KRT80: variants seen among roughly 807,000 people sequenced by gnomAD.
KRT80 encodes keratin 80, also known as keratin, type II cytoskeletal 80.
KRT80 carries 36 observed loss-of-function variants against 51.5 expected under a neutral mutation model. That is an observed-to-expected ratio of 0.70 (90% CI 0.54 to 0.92). KRT80 has a LOEUF of 0.92. Among genes scored for constraint, KRT80 ranks in the 40% least tolerant of loss-of-function variants. KRT80 has a pLI of 0.00. For missense variants in KRT80, 566 were observed against 591.7 expected (o/e 0.96, Z 0.45); for synonymous variants, 235 against 248.3 (o/e 0.95, Z 0.50).
At chr12:52,178,832 C>A (rs1209814249) in intron 4 of KRT80, among the ~76,000 whole-genome samples, 3 of 151,508 alleles carry the variant, frequency 2.0e-5, no homozygotes, top group Admixed American at 6.6e-5. Context: ...GACACTAAGG[C>A]ACAGAGAGGA....
Position 52,169,591 on chromosome 12 carries a change from T to C in KRT80, c.*1807A>G, listed in dbSNP as rs1471677762. 5 of 152,658 alleles carry C rather than the reference T, an allele frequency of 3.3e-5. No individual in the cohort carries two copies. The highest frequency in any genetic ancestry group is 1.2e-4 in the African/African-American group (5 of 41,462). 9.5% of individuals were successfully genotyped at this position (152,658 alleles called of 1,614,324 possible). On this transcript the variant is annotated 3_prime_UTR_variant, in exon 9 of 9. Coordinates refer to ENST00000394815, the MANE Select transcript of KRT80 (RefSeq NM_182507.3). ...GCAAGAAGGGGACATGGCCCCAAGATAGCCAATCAGGTGAGGTGGCTGGAG... is the reference window on the plus strand; with the variant it reads ...GCAAGAAGGGGACATGGCCCCAAGACAGCCAATCAGGTGAGGTGGCTGGAG...
At chr12:52,172,787 G>C (rs1186512235) in intron 6 of KRT80, among the ~76,000 whole-genome samples, 1 of 152,198 alleles carries the variant, frequency 6.6e-6, no homozygotes, top group Non-Finnish European at 1.5e-5. Context: ...CTGGGTGTGT[G>C]TAGTGTGGGG....
chr12:52,188,739 C>T (rs1455108532), intron 1 of KRT80, among the ~76,000 whole-genome samples: 2 of 152,230 alleles, frequency 1.3e-5, no homozygotes, highest in Non-Finnish European at 2.9e-5. Context: ...TCCCTCTCTA[C>T]AGCCTCCCCA....
At position 52,180,625 on chromosome 12, in the gene KRT80, T is replaced by C. The variant is rs1941302146; in HGVS notation, c.571-17A>G. On this transcript the variant is annotated splice_polypyrimidine_tract_variant and intron_variant, in intron 3 of 8. Transcript: ENST00000394815. Reference sequence around the variant, plus strand: ...ATCCAGGTCCTGGGGTTGGCAGCAGTGGTGAGTGGTGGGAGAGGGAATGGA... The same window carrying C: ...ATCCAGGTCCTGGGGTTGGCAGCAGCGGTGAGTGGTGGGAGAGGGAATGGA... 1 of 1,519,250 alleles carries C rather than the reference T, an allele frequency of 6.6e-7. No homozygotes were observed. The highest frequency in any genetic ancestry group is 8.8e-7 in the Non-Finnish European group (1 of 1,134,784). 94.1% of individuals were successfully genotyped at this position (1,519,250 alleles called of 1,614,324 possible). A position where few individuals can be genotyped will look rare whatever the true frequency, so the allele number is the denominator to read the frequency against.
At chr12:52,183,656 A>G (rs1416364133) in intron 2 of KRT80, among the ~76,000 whole-genome samples, 1 of 152,242 alleles carries the variant, frequency 6.6e-6, no homozygotes, top group Non-Finnish European at 1.5e-5. Flanking sequence ...AGGCCAAATG[A>G]GGGGGCTGAG....
In KRT80 at chr12:52,180,562, A is replaced by G; in HGVS notation, c.617T>C (p.Leu206Ser). 1.3e-6 allele frequency: 2 copies of G among 1,484,788 alleles called. No individual in the cohort carries two copies. Among genetic ancestry groups the G allele is most frequent in the Middle Eastern group, 1.8e-4 (1 of 5,488 alleles). The allele number at this position is 1,484,788 out of a possible 1,614,324, so 92.0% of individuals were successfully genotyped here. The change falls in exon 4 of 9, where the codon TTA becomes TCA. Residue 206 changes from leucine (L) to serine (S), a missense_variant. Coordinates refer to ENST00000394815, the MANE Select transcript of KRT80 (RefSeq NM_182507.3). ...CLHRTELETK[L>S]KSLESFVELM... ...CTCCACGAAGCTCTCCAGGCTTTTT[A>G]ACTTGGTTTCCAGTTCAGTCCGATG...
intron 1 of KRT80, 33 bp downstream of exon 1, chr12:52,191,570 C>T: frequency 6.5e-7 from 1 of 1,533,620 alleles, no homozygotes; most frequent in Non-Finnish European, 8.8e-7. Context: ...GCCTGGCAGC[C>T]CTTCATGTTT....
At position 52,171,476 on chromosome 12, in the gene KRT80, C is replaced by G. The variant is rs1941100365; in HGVS notation, c.1281G>C (p.Lys427Asn). ...TTTTGATCACGGGGCCTTTGCTGCCCTTCTTCTTTCGGGAGGGGGCCTTGG... is the reference window on the plus strand; with the variant it reads ...TTTTGATCACGGGGCCTTTGCTGCCGTTCTTCTTTCGGGAGGGGGCCTTGG... ...GLSKAPSRKK[K>N]GSKGPVIKIT... is the part of the protein sequence containing the mutation. The change falls in exon 9 of 9, where the codon AAG becomes AAC. Residue 427 changes from lysine to asparagine, a missense_variant. By Grantham distance (94) the Lys-to-Asn change is moderately conservative. Transcript: ENST00000394815. 6.2e-7 allele frequency: 1 copy of G among 1,612,938 alleles called. No homozygotes were observed. Among genetic ancestry groups the G allele is most frequent in the South Asian group, 1.1e-5 (1 of 90,974 alleles).
intron 4 of KRT80, among the ~76,000 whole-genome samples, chr12:52,175,554 G>C (rs922332001): frequency 6.6e-6 from 1 of 152,086 alleles, no homozygotes; most frequent in Non-Finnish European, 1.5e-5. Flanking sequence ...TGAGGGGCCA[G>C]CTAGGGCCCT....
chr12:52,180,438 G>A lies in KRT80; in HGVS notation c.666+75C>T, dbSNP rs1941298591. ...AGGTTCCATGCCCCACTGGATGGCTGTGCTTCCCCTGTGTCCTTTACCCAT... is the reference window on the plus strand; with the variant it reads ...AGGTTCCATGCCCCACTGGATGGCTATGCTTCCCCTGTGTCCTTTACCCAT... On this transcript the variant is annotated intron_variant, in intron 4 of 8. Coordinates refer to ENST00000394815, the MANE Select transcript of KRT80 (RefSeq NM_182507.3). 8 of 1,015,006 alleles carry A rather than the reference G, an allele frequency of 7.9e-6. No individual in the cohort carries two copies. In the East Asian group the frequency reaches 1.1e-4, roughly 14 times the overall value. The allele number at this position is 1,015,006 out of a possible 1,614,324, so 62.9% of individuals were successfully genotyped here. A position where few individuals can be genotyped will look rare whatever the true frequency, so the allele number is the denominator to read the frequency against.
rs1479483341 is a variant in KRT80 at position 52,191,530 on chromosome 12, G to C, written c.300+73C>G. 3 of 1,438,576 alleles carry C rather than the reference G, an allele frequency of 2.1e-6. No homozygotes were observed. In the Admixed American group the frequency reaches 6.6e-5, roughly 31 times the overall value. 89.1% of individuals were successfully genotyped at this position (1,438,576 alleles called of 1,614,324 possible). On this transcript the variant is annotated intron_variant, in intron 1 of 8. Coordinates refer to ENST00000394815, the MANE Select transcript of KRT80 (RefSeq NM_182507.3). ...GGTGGGGCGCGGTGATCGATGCTCA[G>C]GGAAACACAGAGCTCAGCTACCGGC...
chr12:52,185,271 T>A, intron 2 of KRT80, 108 bp downstream of exon 2: 1 of 1,076,718 alleles, frequency 9.3e-7, no homozygotes, highest in Non-Finnish European at 1.3e-6. Context: ...GGTAAAGAAA[T>A]GTTGCAGAAC....
At chr12:52,173,805 G>A (rs773641720) in intron 4 of KRT80, 41 bp from the exon 5 acceptor site, 2 of 1,593,070 alleles carry the variant, frequency 1.3e-6, no homozygotes, top group African/African-American at 2.7e-5. Flanking sequence ...CTGGTGGGGA[G>A]GGCACAAGGA....
chr12:52,191,675 A>G lies in KRT80; in HGVS notation c.228T>C (p.Val76=). ...VPLDVKLDPA[V]QQLKNQEKEE... ...CCTTCTCCTGGTTCTTCAGCTGCTGAACAGCGGGGTCCAACTTGACATCCA... is the reference window on the plus strand; with the variant it reads ...CCTTCTCCTGGTTCTTCAGCTGCTGGACAGCGGGGTCCAACTTGACATCCA... The change falls in exon 1 of 9, where the codon GTT becomes GTC. Residue 76 remains valine, a synonymous_variant. Transcript: ENST00000394815. 1 of 1,613,652 alleles carries G rather than the reference A, an allele frequency of 6.2e-7. No homozygotes were observed.
chr12:52,172,159 C>CT (rs1941118112), intron 7 of KRT80, 39 bp downstream of exon 7: 1 of 1,606,428 alleles, frequency 6.2e-7, no homozygotes, highest in South Asian at 1.1e-5. Flanking sequence ...TCCAGCCCTC[C>CT]TTCCCCTGCA....
chr12:52,179,344 C>T (rs1169412782), intron 4 of KRT80, among the ~76,000 whole-genome samples: 3 of 152,206 alleles, frequency 2.0e-5, no homozygotes, highest in Non-Finnish European at 2.9e-5. Flanking sequence ...GGGCATGGTG[C>T]CCTGGTCAGC....
rs753179201 is a variant in KRT80 at position 52,185,397 on chromosome 12, A to G, written c.491T>C (p.Val164Ala). The G allele has an allele frequency of 1.2e-6, 2 of 1,613,220 alleles. No individual in the cohort carries two copies. Among genetic ancestry groups the G allele is most frequent in the Non-Finnish European group, 1.7e-6 (2 of 1,179,698 alleles). Residue 164 changes from valine (V) to alanine (A), a missense_variant, in exon 2 of 9, where the codon GTT (valine) becomes GCT (alanine). By Grantham distance (64) the Val-to-Ala change is moderately conservative (BLOSUM62 0). Transcript: ENST00000394815. The stretch of plus-strand genomic sequence containing the variant: ...TACGTACCTGATTCGAAACTCCTCA[A>G]CCTTCTCCAGCACCTGCAGCAGGTT... ...EANLLQVLEK[V>A]EEFRIRYEDE...
rs757891769 is a variant in KRT80 at position 52,180,505 on chromosome 12, T to C, written c.666+8A>G. 2 of 1,433,058 alleles carry C rather than the reference T, an allele frequency of 1.4e-6. No individual in the cohort carries two copies. Among genetic ancestry groups the C allele is most frequent in the East Asian group, 2.5e-5 (1 of 39,906 alleles). 88.8% of individuals were successfully genotyped at this position (1,433,058 alleles called of 1,614,324 possible). A position where few individuals can be genotyped will look rare whatever the true frequency, so the allele number is the denominator to read the frequency against. ...GGCTTGGCAAGACACTGGCCCCATC[T>C]CACTCACCTGCTCATAGATGGTTTT... On this transcript the variant is annotated splice_region_variant and intron_variant, in intron 4 of 8. Coordinates refer to ENST00000394815, the MANE Select transcript of KRT80 (RefSeq NM_182507.3).
At position 52,191,587 on chromosome 12, in the gene KRT80, C is replaced by A; in HGVS notation, c.300+16G>T. 6.4e-7 allele frequency: 1 copy of A among 1,561,862 alleles called. No individual in the cohort carries two copies. Among genetic ancestry groups the A allele is most frequent in the East Asian group, 2.3e-5 (1 of 44,182 alleles). Reference sequence around the variant, plus strand: ...CTGGCAGCCCTTCATGTTTGGGACCCCCTACTTGTGCTCACCTTGCCAATT... The same window carrying A: ...CTGGCAGCCCTTCATGTTTGGGACCACCTACTTGTGCTCACCTTGCCAATT... On this transcript the variant is annotated intron_variant, in intron 1 of 8. Coordinates refer to ENST00000394815, the MANE Select transcript of KRT80 (RefSeq NM_182507.3).
Sources: allele counts gnomAD v4.1 joint callset (sites outside exome capture counted in the v4.1 genomes callset), GRCh38; gene constraint gnomAD v4.1.1; transcripts MANE v1.5; gene names NCBI Gene and HGNC (gene_info 2026-07-23, HGNC 2026-07-21).